Variants in MYT1L observed in about 807,000 individuals in gnomAD.
MYT1L encodes the protein myelin transcription factor 1 like, also known as myelin transcription factor 1-like protein.
Under a neutral mutation model 126.7 loss-of-function variants are expected in MYT1L, and 12 were observed. The ratio of observed to expected loss-of-function variants is 0.09; its 90% CI spans 0.06 to 0.15. The LOEUF (loss-of-function observed/expected upper bound fraction) is 0.15. MYT1L is among the 10% of genes least tolerant of loss of function. The pLI is 1.00. For synonymous variants in MYT1L, 541 were observed against 604.2 expected (o/e 0.90, Z 1.53); for missense variants, 979 against 1,585.2 (o/e 0.62, Z 6.49).
chr2:2,194,110 C>T (rs2092702955), intron 2 of MYT1L, among the ~76,000 whole-genome samples: 1 of 151,852 alleles, frequency 6.6e-6, no homozygotes, highest in Non-Finnish European at 1.5e-5. Flanking sequence ...GATGGGTTCT[C>T]ACTCTGTCCC....
intron 21 of MYT1L, among the ~76,000 whole-genome samples, chr2:1,836,304 G>GC (rs973382253): frequency 4.1e-5 from 5 of 120,908 alleles, no homozygotes; most frequent in Admixed American, 8.9e-5. Flanking sequence ...CCATCAGCCT[G>GC]CCCCCCCAAG....
intron 2 of MYT1L, among the ~76,000 whole-genome samples, chr2:2,248,612 C>CA (rs1296129887): frequency 6.6e-6 from 1 of 152,004 alleles, no homozygotes; most frequent in Non-Finnish European, 1.5e-5. Flanking sequence ...AATATTGATG[C>CA]AAAAATCCTC....
At chr2:2,197,455 ATATC>A (rs920473291) in intron 2 of MYT1L, among the ~76,000 whole-genome samples, 78 of 152,316 alleles carry the variant, frequency 5.1e-4, no homozygotes, top group Non-Finnish European at 3.8e-4. Flanking sequence ...AAAACATGGT[ATATC>A]TATCTATCTG....
chr2:2,092,941 G>C (rs1375861534), intron 3 of MYT1L, among the ~76,000 whole-genome samples: 1 of 152,196 alleles, frequency 6.6e-6, no homozygotes, highest in Non-Finnish European at 1.5e-5. Context: ...GTGCTGGGCA[G>C]CTCAAGCTTT....
At chr2:2,252,847 A>AT (rs2094691870) in intron 2 of MYT1L, among the ~76,000 whole-genome samples, 1 of 152,006 alleles carries the variant, frequency 6.6e-6, no homozygotes. Context: ...CCTTATGTGA[A>AT]TTTTTCTAGA....
chr2:2,236,094 C>A (rs1428033812), intron 2 of MYT1L, among the ~76,000 whole-genome samples: 2 of 151,818 alleles, frequency 1.3e-5, no homozygotes, highest in African/African-American at 4.8e-5. Context: ...CAGTATGTCA[C>A]AACCCAACCC....
chr2:2,222,479 G>C (rs1351753422), intron 2 of MYT1L, among the ~76,000 whole-genome samples: 1 of 148,656 alleles, frequency 6.7e-6, no homozygotes, highest in African/African-American at 2.5e-5. Flanking sequence ...ATGGGTGACA[G>C]AGTGAGACTT....
intron 8 of MYT1L, among the ~76,000 whole-genome samples, chr2:1,965,841 C>T (rs955001191): frequency 2.0e-5 from 3 of 152,236 alleles, no homozygotes; most frequent in Non-Finnish European, 2.9e-5. Flanking sequence ...GTCTGGGCAG[C>T]GGACAAGGGA....
chr2:2,244,209 T>C (rs1001532767), intron 2 of MYT1L, among the ~76,000 whole-genome samples: 19 of 152,224 alleles, frequency 1.2e-4, no homozygotes, highest in Non-Finnish European at 2.5e-4. Context: ...CGGTCTTTGT[T>C]GCTCCCAGGT....
chr2:1,790,969 G>T lies in MYT1L; in HGVS notation c.*898C>A. The T allele has an allele frequency of 3.6e-6, 1 of 280,328 alleles. No homozygotes were observed. Among genetic ancestry groups the T allele is most frequent in the Non-Finnish European group, 7.1e-6 (1 of 141,636 alleles). The allele number at this position is 280,328 out of a possible 1,614,324, so 17.4% of individuals were successfully genotyped here. A position where few individuals can be genotyped will look rare whatever the true frequency, so the allele number is the denominator to read the frequency against. On this transcript the variant is annotated 3_prime_UTR_variant, in exon 25 of 25. Transcript: ENST00000647738. ...CAGTTCAGAGGGGCACGAAACTCTA[G>T]GGGAGATACGAGAAGGTTGTTCCAA...
At chr2:1,892,826 T>A (rs894104180) in intron 14 of MYT1L, among the ~76,000 whole-genome samples, 2 of 152,240 alleles carry the variant, frequency 1.3e-5, no homozygotes, top group African/African-American at 4.8e-5. Context: ...GGCAGCCACC[T>A]TCTGGGCCTG....
intron 14 of MYT1L, among the ~76,000 whole-genome samples, chr2:1,902,312 T>C (rs1024914539): frequency 6.6e-6 from 1 of 152,204 alleles, no homozygotes; most frequent in African/African-American, 2.4e-5. Context: ...CTGTGTTTGT[T>C]GCATGAGCTC....
intron 18 of MYT1L, among the ~76,000 whole-genome samples, chr2:1,873,285 T>C (rs1181313614): frequency 1.3e-5 from 2 of 152,178 alleles, no homozygotes; most frequent in African/African-American, 4.8e-5. Context: ...TAAAAACAAA[T>C]GTTAAACTAT....
At chr2:1,896,996 C>T (rs887876158) in intron 14 of MYT1L, among the ~76,000 whole-genome samples, 12 of 152,210 alleles carry the variant, frequency 7.9e-5, no homozygotes, top group African/African-American at 2.2e-4. Flanking sequence ...AACTAGATGA[C>T]GCCAAGTGGA....
intron 1 of MYT1L, among the ~76,000 whole-genome samples, chr2:2,323,444 A>C (rs1399339481): frequency 3.3e-5 from 5 of 152,246 alleles, no homozygotes; most frequent in African/African-American, 4.8e-5. Context: ...AGGTGAAATA[A>C]TTAGGTCAGT....
At chr2:2,141,504 T>C (rs2148173536) in intron 3 of MYT1L, among the ~76,000 whole-genome samples, 1 of 152,268 alleles carries the variant, frequency 6.6e-6, no homozygotes. Context: ...AGAAGTCAGA[T>C]TTCTGGGCCT....
intron 1 of MYT1L, among the ~76,000 whole-genome samples, chr2:2,296,862 G>A (rs1380521978): frequency 2.0e-5 from 3 of 152,160 alleles, no homozygotes; most frequent in African/African-American, 7.2e-5. Flanking sequence ...GTGTGTGCAG[G>A]GCTGGCCAGC....
chr2:1,851,147 A>G lies in MYT1L; in HGVS notation c.2774+494T>C, dbSNP rs574720584. ...GAAATCTCTATATTATATTTTAGAC[A>G]GTACCTTCTTTTTGGGAGAGACAGT... On this transcript the variant is annotated intron_variant, in intron 19 of 24. Transcript: ENST00000647738. Among the ~76,000 whole-genome samples, 3 of 152,306 alleles carry G rather than the reference A, an allele frequency of 2.0e-5. No individual in the cohort carries two copies. In the East Asian group the frequency reaches 5.8e-4, roughly 29 times the overall value.
At chr2:2,292,934 C>T (rs1228094722) in intron 1 of MYT1L, among the ~76,000 whole-genome samples, 1 of 152,106 alleles carries the variant, frequency 6.6e-6, no homozygotes, top group Non-Finnish European at 1.5e-5. Flanking sequence ...AACCAAGGCA[C>T]GCTCTTTTCC....
Sources: gnomAD v4.1 joint callset for allele counts (sites outside exome capture counted in the v4.1 genomes callset) on GRCh38, gnomAD v4.1.1 for gene constraint, MANE v1.5 for transcripts, NCBI Gene and HGNC (gene_info 2026-07-23, HGNC 2026-07-21) for gene names.